The following DRC4 variants were observed in gnomAD, a reference collection of about 807,000 sequenced individuals.
The protein encoded by DRC4 is GAS-11.
the DRC4 span, chr16:90,037,005 C>A: frequency 1.4e-5 from 8 of 587,096 alleles, no homozygotes; most frequent in South Asian, 4.1e-5. Flanking sequence ...GAATCTTGAA[C>A]AAAGTATAGT....
chr16:90,039,344 T>G, the DRC4 span, among the ~76,000 whole-genome samples: 13 of 151,306 alleles, frequency 8.6e-5, no homozygotes, highest in African/African-American at 3.2e-4. Flanking sequence ...CAGCAAAATT[T>G]AGAGACCAAG....
chr16:90,036,384 T>C, the DRC4 span: 4 of 1,598,102 alleles, frequency 2.5e-6, no homozygotes, highest in Admixed American at 1.7e-5. Context: ...CTTTCAGAAA[T>C]TGAGGCCAAG....
At chr16:90,036,671 C>A in the DRC4 span, 2 of 1,176,352 alleles carry the variant, frequency 1.7e-6, no homozygotes, top group African/African-American at 1.5e-5. Flanking sequence ...CAGACCCCAG[C>A]TCTCCACCCC....
the DRC4 span, chr16:90,044,611 T>G: frequency 6.4e-6 from 3 of 471,208 alleles, no homozygotes; most frequent in Non-Finnish European, 1.3e-5. Flanking sequence ...AGTGACCATC[T>G]GGGTCTGTGT....
the DRC4 span, chr16:90,039,862 A>G: frequency 0.014 from 3,304 of 228,404 alleles, 114 homozygotes; most frequent in African/African-American, 0.067. Flanking sequence ...ATGTGATGCC[A>G]GGATCTGGGG....
chr16:90,032,756 C>G, the DRC4 span: 1 of 1,613,894 alleles, frequency 6.2e-7, no homozygotes, highest in South Asian at 1.1e-5. Context: ...TATATGAGCA[C>G]CAGAACAACC....
chr16:90,030,191 T>C, the DRC4 span, among the ~76,000 whole-genome samples: 1 of 152,224 alleles, frequency 6.6e-6, no homozygotes, highest in Non-Finnish European at 1.5e-5. Context: ...TATTTTTTGC[T>C]TAACATTATA....
the DRC4 span, among the ~76,000 whole-genome samples, chr16:90,021,819 T>C: frequency 7.5e-6 from 1 of 133,420 alleles, no homozygotes; most frequent in Admixed American, 9.0e-5. Context: ...CAGTGAGTTG[T>C]GATCACAGCC....
the DRC4 span, among the ~76,000 whole-genome samples, chr16:90,028,379 G>A: frequency 4.6e-5 from 7 of 151,004 alleles, no homozygotes; most frequent in Admixed American, 6.6e-5. Context: ...TAGTAGAGAC[G>A]GGGTTTCACC....
the DRC4 span, chr16:90,027,854 G>A: frequency 1.3e-6 from 1 of 786,180 alleles, no homozygotes. Flanking sequence ...CCCCCGCGTG[G>A]CCCATAATTC....
chr16:90,027,772 C>A, the DRC4 span: 2 of 1,544,278 alleles, frequency 1.3e-6, no homozygotes, highest in South Asian at 1.1e-5. Context: ...TGGGCGGGCA[C>A]CACGCAGGGT....
the DRC4 span, chr16:90,036,686 C>A: frequency 1.0e-6 from 1 of 964,810 alleles, no homozygotes; most frequent in Non-Finnish European, 1.6e-6. Flanking sequence ...CACCCCAACA[C>A]ACCCAGTACT....
the DRC4 span, chr16:90,035,863 G>A: frequency 2.7e-6 from 4 of 1,495,560 alleles, no homozygotes; most frequent in Non-Finnish European, 2.7e-6. Flanking sequence ...CAGAATCCCA[G>A]AACAACCTAT....
At chr16:90,023,085 A>G in the DRC4 span, among the ~76,000 whole-genome samples, 1 of 152,290 alleles carries the variant, frequency 6.6e-6, no homozygotes, top group East Asian at 1.9e-4. Context: ...CCTGGGACCT[A>G]GGGTTTCAGC....
the DRC4 span, among the ~76,000 whole-genome samples, chr16:90,034,376 C>A: frequency 6.6e-6 from 1 of 152,192 alleles, no homozygotes; most frequent in Non-Finnish European, 1.5e-5. Context: ...GTAATCCCAG[C>A]ACTTTGGGAG....
the DRC4 span, among the ~76,000 whole-genome samples, chr16:90,021,865 A>AC: frequency 2.0e-5 from 3 of 147,560 alleles, no homozygotes; most frequent in African/African-American, 7.5e-5. Context: ...CCAAAAAAAA[A>AC]AAAAAAAAAA....
chr16:90,032,458 G>A, the DRC4 span, among the ~76,000 whole-genome samples: 1,037 of 150,750 alleles, frequency 6.9e-3, 7 homozygotes, highest in Non-Finnish European at 0.012. Context: ...GGACAGGTGA[G>A]GAGGTGTGGT....
chr16:90,028,174 T>G, the DRC4 span, among the ~76,000 whole-genome samples: 1 of 37,292 alleles, frequency 2.7e-5, no homozygotes, highest in Non-Finnish European at 7.7e-5. Context: ...TAATCGTTCA[T>G]TTTTTTTTTT....
the DRC4 span, chr16:90,022,585 G>A: frequency 9.6e-7 from 1 of 1,038,886 alleles, no homozygotes; most frequent in Non-Finnish European, 1.3e-6. Flanking sequence ...GCCTTTGGCA[G>A]GGCCGCTGCC....
Sources: gnomAD v4.1 joint callset for allele counts (sites outside exome capture counted in the v4.1 genomes callset) on GRCh38, gnomAD v4.1.1 for gene constraint, MANE v1.5 for transcripts, NCBI Gene and HGNC (gene_info 2026-07-23, HGNC 2026-07-21) for gene names.